Variants in PDILT observed in about 807,000 individuals in gnomAD.
PDILT encodes protein disulfide isomerase like, testis expressed, also known as protein disulfide-isomerase-like protein of the testis.
PDILT carries 43 observed loss-of-function variants against 53.7 expected under a neutral mutation model. The observed-to-expected ratio is 0.80, with a 90% CI of 0.63 to 1.03. The LOEUF is 1.03. Ranked by LOEUF, PDILT falls within the 50% of genes least tolerant of loss-of-function variation. The pLI is 0.00. For synonymous variants in PDILT, 282 were observed against 274.2 expected, an observed-to-expected ratio of 1.03 and a Z score of -0.28; for missense variants, 727 against 712.3, an observed-to-expected ratio of 1.02 and a Z score of -0.24.
chr16:20,403,382 T>C (rs1424235705), intron 1 of PDILT, among the ~76,000 whole-genome samples: 2 of 152,152 alleles, frequency 1.3e-5, no homozygotes, highest in South Asian at 2.1e-4. Context: ...CTCCGCCTCC[T>C]GGGTTTAAGC....
chr16:20,402,504 G>A (rs141040502), intron 1 of PDILT, among the ~76,000 whole-genome samples: 5,290 of 152,224 alleles, frequency 0.035, 355 homozygotes, highest in East Asian at 0.3. Flanking sequence ...TCGCCATGTT[G>A]GCCAGGCTGG....
At position 20,371,547 on chromosome 16, in the gene PDILT, A is replaced by T. The variant is rs142463731; in HGVS notation, c.918+1255T>A. ...GCACTGGAGCACAGAGGTGAACAAG[A>T]TAAGAGGTGCAATCTGTTGAAACAG... On this transcript the variant is annotated intron_variant, in intron 7 of 11. Coordinates refer to ENST00000302451, the MANE Select transcript of PDILT (RefSeq NM_174924.2). Among the ~76,000 whole-genome samples, 39 of 152,312 alleles carry T rather than the reference A, an allele frequency of 2.6e-4. No homozygotes were observed. In the East Asian group the frequency reaches 2.7e-3, roughly 11 times the overall value.
Position 20,376,383 on chromosome 16 carries a change from G to A in PDILT, c.410-182C>T, listed in dbSNP as rs777060134. Among the ~76,000 whole-genome samples the A allele has an allele frequency of 2.0e-5, 3 of 152,130 alleles. 1 individual carries two copies. Among genetic ancestry groups the A allele is most frequent in the Non-Finnish European group, 4.4e-5 (3 of 68,024 alleles). On this transcript the variant is annotated intron_variant, in intron 3 of 11. Coordinates refer to ENST00000302451, the MANE Select transcript of PDILT (RefSeq NM_174924.2). ...GCTCCAAGCACGAACATTAACAACAGCAGCTAAATGTTACTGAGCACTCAA... is the reference window on the plus strand; with the variant it reads ...GCTCCAAGCACGAACATTAACAACAACAGCTAAATGTTACTGAGCACTCAA...
rs113130869 is a variant in PDILT, at chr16:20,376,292, C to A, written c.410-91G>T. The A allele has an allele frequency of 6.4e-3, 9,455 of 1,488,926 alleles. 217 individuals are homozygous for A. The highest frequency in any genetic ancestry group is 0.063 in the South Asian group (4,810 of 76,342). 92.2% of individuals were successfully genotyped at this position (1,488,926 alleles called of 1,614,324 possible). A position where few individuals can be genotyped will look rare whatever the true frequency, so the allele number is the denominator to read the frequency against. ...TCTTTCTCAAGTTTAATGCATAGAA[C>A]CTTCTTGTCTCAGGCTCCCACCCCT... is the stretch of plus-strand genomic sequence containing the variant. On this transcript the variant is annotated intron_variant, in intron 3 of 11. Transcript: ENST00000302451.
Position 20,374,936 on chromosome 16 carries a change from C to T in PDILT, c.567G>A (p.Glu189=). The change falls in exon 5 of 12, where the codon GAG becomes GAA. Residue 189 remains glutamate (E), a synonymous_variant. Transcript: ENST00000302451. The part of the protein sequence containing the change: ...FFQDLEEEVA[E]LFYDVIKDFP... ...AGTCTTTGATCACATCATAGAACAA[C>T]TCTGCTACTTCTTCCTCTAAATCCT... 2.5e-6 allele frequency: 4 copies of T among 1,611,616 alleles called. No homozygotes were observed. Among genetic ancestry groups the T allele is most frequent in the Non-Finnish European group, 3.4e-6 (4 of 1,178,750 alleles).
chr16:20,365,346 C>A, intron 9 of PDILT, 74 bp downstream of exon 9: 2 of 1,558,862 alleles, frequency 1.3e-6, no homozygotes, highest in South Asian at 2.3e-5. Context: ...TTTCAGTGCC[C>A]AACAATTCAG....
chr16:20,390,722 T>C (rs7359393), intron 2 of PDILT: 2 of 152,192 alleles, frequency 1.3e-5, no homozygotes, highest in Non-Finnish European at 2.9e-5. Flanking sequence ...AGGAATGAAG[T>C]TTCCAATGAT....
chr16:20,370,648 T>C (rs114144574), intron 7 of PDILT, among the ~76,000 whole-genome samples: 3 of 152,168 alleles, frequency 2.0e-5, no homozygotes, highest in African/African-American at 7.2e-5. Context: ...CTGGGTAAAA[T>C]GAGGCTGAGA....
At chr16:20,360,493 T>C in intron 11 of PDILT, 75 bp downstream of exon 11, 1 of 1,305,152 alleles carries the variant, frequency 7.7e-7, no homozygotes, top group Non-Finnish European at 1.1e-6. Flanking sequence ...CCAGCCATAC[T>C]CTTTTGTTGT....
At chr16:20,360,896 C>G (rs899785650) in intron 10 of PDILT, among the ~76,000 whole-genome samples, 3 of 152,156 alleles carry the variant, frequency 2.0e-5, no homozygotes, top group East Asian at 1.9e-4. Flanking sequence ...CACAGCAAAG[C>G]CTTAAACTTT....
At chr16:20,384,991 A>G in intron 2 of PDILT, 140 bp from the exon 3 acceptor site, 1 of 770,854 alleles carries the variant, frequency 1.3e-6, no homozygotes, top group Non-Finnish European at 2.2e-6. Flanking sequence ...TAAATGTGAC[A>G]AGATGTGAGA....
At chr16:20,385,293 A>G (rs1027421883) in intron 2 of PDILT, among the ~76,000 whole-genome samples, 1 of 152,162 alleles carries the variant, frequency 6.6e-6, no homozygotes. Context: ...TATTATCTCA[A>G]TTTTATACAT....
At position 20,359,382 on chromosome 16, in the gene PDILT, C is replaced by T; in HGVS notation, c.1692G>A (p.Val564=). Residue 564 remains valine, a synonymous_variant, in exon 12 of 12, where the codon GTG becomes GTA. Transcript: ENST00000302451. ...KKKTSEEVVV[V]VAKPKGPPVQ... ...CTGGAGGTCCCTTTGGCTTAGCCAC[C>T]ACCACCACCACCTCCTCAGATGTTT... 6.2e-7 allele frequency: 1 copy of T among 1,614,118 alleles called. No homozygotes were observed. Among genetic ancestry groups the T allele is most frequent in the Non-Finnish European group, 8.5e-7 (1 of 1,180,012 alleles).
rs188801843 is a variant in PDILT at position 20,363,154 on chromosome 16, C to G, written c.1238-572G>C. Among the ~76,000 whole-genome samples, 33 of 151,560 alleles carry G rather than the reference C, an allele frequency of 2.2e-4. 2 individuals carry two copies. In the East Asian group the frequency reaches 6.2e-3, roughly 28 times the overall value. On this transcript the variant is annotated intron_variant, in intron 9 of 11. Transcript: ENST00000302451. ...AAAAAATAGCTTAGCCCTCTTCCAC[C>G]TAAATACTAACACTTTTAGTGTGTT... is the stretch of plus-strand genomic sequence containing the variant.
At chr16:20,373,156 T>C (rs1327419888) in intron 5 of PDILT, 34 bp from the exon 6 acceptor site, 7 of 1,551,324 alleles carry the variant, frequency 4.5e-6, no homozygotes, top group Non-Finnish European at 5.3e-6. Context: ...TGGAGGACAG[T>C]AGCTTTCATG....
At chr16:20,366,952 C>T (rs1966201697) in intron 8 of PDILT, among the ~76,000 whole-genome samples, 2 of 58,826 alleles carry the variant, frequency 3.4e-5, no homozygotes, top group Middle Eastern at 0.019. Context: ...TCCTTCCTTC[C>T]TTCCTTCCTT....
At chr16:20,378,021 G>A (rs1178187797) in intron 3 of PDILT, among the ~76,000 whole-genome samples, 1 of 151,986 alleles carries the variant, frequency 6.6e-6, no homozygotes, top group Admixed American at 6.6e-5. Context: ...ATTAAGGAGA[G>A]GGAAAGTCTT....
At chr16:20,397,487 A>G (rs897725840) in intron 2 of PDILT, among the ~76,000 whole-genome samples, 1 of 152,118 alleles carries the variant, frequency 6.6e-6, no homozygotes, top group African/African-American at 2.4e-5. Flanking sequence ...AGTAAACAGA[A>G]GTTCAGAATG....
At chr16:20,368,595 T>G (rs183455408) in intron 8 of PDILT, among the ~76,000 whole-genome samples, 4 of 114,090 alleles carry the variant, frequency 3.5e-5, no homozygotes, top group African/African-American at 1.1e-4. Context: ...TGTTCCAGAC[T>G]TTTTTTGGGG....
Sources: allele counts gnomAD v4.1 joint callset (sites outside exome capture counted in the v4.1 genomes callset), GRCh38; gene constraint gnomAD v4.1.1; transcripts MANE v1.5; gene names NCBI Gene and HGNC (gene_info 2026-07-23, HGNC 2026-07-21).